Variants in SCYL2 observed in about 807,000 individuals in gnomAD.
SCYL2 encodes the protein SCY1 like pseudokinase 2, also known as SCY1-like protein 2.
In SCYL2, 36 loss-of-function variants were observed where a neutral mutation model predicts 100.4. The observed-to-expected ratio is 0.36, with a 90% CI of 0.27 to 0.47. The LOEUF (loss-of-function observed/expected upper bound fraction) is 0.47. Among genes scored for constraint, SCYL2 ranks in the 20% least tolerant of loss-of-function variants. SCYL2 has a pLI of 1.00. For synonymous variants in SCYL2, 330 were observed against 359.2 expected (o/e 0.92, Z 0.92); for missense variants, 902 against 1,083.9 (o/e 0.83, Z 2.36).
At chr12:100,282,216 T>C (rs372881040) in intron 1 of SCYL2, among the ~76,000 whole-genome samples, 9,204 of 118,584 alleles carry the variant, frequency 0.078, 862 homozygotes, top group Middle Eastern at 0.12. Flanking sequence ...GTAGAGATGG[T>C]TTTTCGCCAC....
At chr12:100,268,732 A>C (rs2096283248) in intron 1 of SCYL2, among the ~76,000 whole-genome samples, 1 of 152,186 alleles carries the variant, frequency 6.6e-6, no homozygotes, top group Non-Finnish European at 1.5e-5. Context: ...ACTCATATTC[A>C]CATGTTTGAA....
At chr12:100,305,328 T>G (rs753460390) in intron 4 of SCYL2, among the ~76,000 whole-genome samples, 46 of 152,084 alleles carry the variant, frequency 3.0e-4, no homozygotes, top group Non-Finnish European at 6.3e-4. Flanking sequence ...TGCAATCAAA[T>G]TAGAACTCAG....
intron 1 of SCYL2, among the ~76,000 whole-genome samples, chr12:100,282,364 C>T (rs2096299730): frequency 9.0e-6 from 1 of 110,562 alleles, no homozygotes; most frequent in African/African-American, 3.5e-5. Flanking sequence ...CTCACTCTGT[C>T]ACCAAGGCTG....
At position 100,340,158 on chromosome 12, in the gene SCYL2, T is replaced by C. The variant is rs902917409; in HGVS notation, c.*986T>C. On this transcript the variant is annotated 3_prime_UTR_variant, in exon 18 of 18. Coordinates refer to ENST00000360820, the MANE Select transcript of SCYL2 (RefSeq NM_017988.6). ...GTAAAAATTGAGCAGTTGTATCTTC[T>C]GACCACCAACAGATTTTCAGCTTGC... 6.6e-6 allele frequency: 1 copy of C among 152,634 alleles called. No homozygotes were observed. The highest frequency in any genetic ancestry group is 1.5e-5 in the Non-Finnish European group (1 of 68,000). The allele number at this position is 152,634 out of a possible 1,614,324, so 9.5% of individuals were successfully genotyped here.
At chr12:100,308,812 A>G (rs1005897927) in intron 4 of SCYL2, among the ~76,000 whole-genome samples, 5 of 152,144 alleles carry the variant, frequency 3.3e-5, no homozygotes, top group African/African-American at 9.6e-5. Context: ...GTCTCGTTCA[A>G]ATGCTCCCTT....
chr12:100,290,741 A>C (rs2096309646), intron 2 of SCYL2, among the ~76,000 whole-genome samples: 1 of 152,192 alleles, frequency 6.6e-6, no homozygotes, highest in Non-Finnish European at 1.5e-5. Context: ...TTTCGTTTCC[A>C]GTTTATTTTG....
intron 1 of SCYL2, among the ~76,000 whole-genome samples, chr12:100,269,350 TTCA>T (rs1207802866): frequency 2.0e-5 from 3 of 152,096 alleles, no homozygotes; most frequent in African/African-American, 4.8e-5. Context: ...ATTATGCCTA[TTCA>T]TCATTCAGCT....
At position 100,315,554 on chromosome 12, in the gene SCYL2, T is replaced by A; in HGVS notation, c.1096-4T>A. The A allele has an allele frequency of 6.4e-7, 1 of 1,568,948 alleles. No individual in the cohort carries two copies. Among genetic ancestry groups the A allele is most frequent in the Non-Finnish European group, 8.6e-7 (1 of 1,162,658 alleles). ...TTTTTTTAAAAAACATTTTTGCCTT[T>A]CAGCGTGTCATTGTGCAGAGAATTT... On this transcript the variant is annotated splice_region_variant and splice_polypyrimidine_tract_variant and intron_variant, in intron 8 of 17. Transcript: ENST00000360820.
intron 9 of SCYL2, among the ~76,000 whole-genome samples, chr12:100,317,528 G>A (rs61940546): frequency 0.088 from 13,443 of 152,168 alleles, 740 homozygotes; most frequent in Admixed American, 0.12. Flanking sequence ...CCAGATAGTT[G>A]GTATGTGTGG....
At chr12:100,317,550 A>T in intron 9 of SCYL2, 1 of 750,320 alleles carries the variant, frequency 1.3e-6, no homozygotes, top group African/African-American at 1.8e-5. Context: ...CAAGTGATAG[A>T]TTACTGTAGA....
At chr12:100,309,141 CGT>C (rs1201427390) in intron 4 of SCYL2, among the ~76,000 whole-genome samples, 4 of 148,818 alleles carry the variant, frequency 2.7e-5, no homozygotes, top group East Asian at 3.9e-4. Flanking sequence ...TGTGCGCGCG[CGT>C]GTGTGCAGCT....
intron 11 of SCYL2, among the ~76,000 whole-genome samples, chr12:100,324,021 A>T (rs570625427): frequency 5.3e-5 from 8 of 152,142 alleles, no homozygotes; most frequent in Non-Finnish European, 1.2e-4. Flanking sequence ...ATTTTTAGTT[A>T]TTGGTCTCTA....
chr12:100,292,903 G>A (rs1468945322), intron 3 of SCYL2, among the ~76,000 whole-genome samples: 2 of 152,106 alleles, frequency 1.3e-5, no homozygotes, highest in African/African-American at 2.4e-5. Flanking sequence ...CTGCAGCCTC[G>A]AACTCCTGGA....
rs1200303512 is a variant in SCYL2, at chr12:100,340,515, T to A, written c.*1343T>A. On this transcript the variant is annotated 3_prime_UTR_variant, in exon 18 of 18. Transcript: ENST00000360820. ...ATAGAGTTGATGGTTTTTAATTATC[T>A]GGAACCAGCAATCATTTAAAATAAA... The A allele has an allele frequency of 6.6e-6, 1 of 152,194 alleles. No individual in the cohort carries two copies. The highest frequency in any genetic ancestry group is 2.4e-5 in the African/African-American group (1 of 41,588). 9.4% of individuals were successfully genotyped at this position (152,194 alleles called of 1,614,324 possible). A position where few individuals can be genotyped will look rare whatever the true frequency, so the allele number is the denominator to read the frequency against.
At chr12:100,274,448 C>G (rs905159114) in intron 1 of SCYL2, among the ~76,000 whole-genome samples, 1 of 152,180 alleles carries the variant, frequency 6.6e-6, no homozygotes, top group Admixed American at 6.5e-5. Context: ...TCTGTGACAA[C>G]CATCTTCTTA....
chr12:100,300,486 A>G (rs996001507), intron 4 of SCYL2, among the ~76,000 whole-genome samples: 1 of 152,204 alleles, frequency 6.6e-6, no homozygotes, highest in Non-Finnish European at 1.5e-5. Flanking sequence ...TATCCTCTGT[A>G]TTACAATCCA....
chr12:100,310,431 C>G (rs2096340857), intron 4 of SCYL2, among the ~76,000 whole-genome samples: 1 of 152,108 alleles, frequency 6.6e-6, no homozygotes, highest in South Asian at 2.1e-4. Flanking sequence ...ATTCATATGT[C>G]TTCTTTGGAA....
chr12:100,314,729 A>G, intron 8 of SCYL2, 115 bp downstream of exon 8: 2 of 1,081,012 alleles, frequency 1.9e-6, no homozygotes, highest in Non-Finnish European at 2.6e-6. Context: ...AGGTACATAA[A>G]TGACTATAAA....
chr12:100,292,578 GCA>G (rs546101639), intron 3 of SCYL2, among the ~76,000 whole-genome samples: 167 of 152,158 alleles, frequency 1.1e-3, no homozygotes, highest in Non-Finnish European at 1.8e-3. Flanking sequence ...CCCTTCAAAG[GCA>G]CAAGATCTTT....
Sources: allele counts gnomAD v4.1 joint callset (sites outside exome capture counted in the v4.1 genomes callset), GRCh38; gene constraint gnomAD v4.1.1; transcripts MANE v1.5; gene names NCBI Gene and HGNC (gene_info 2026-07-23, HGNC 2026-07-21).